TMEM40: variants seen among roughly 807,000 people sequenced by gnomAD.
TMEM40 encodes transmembrane protein 40.
In TMEM40, 34 loss-of-function variants were observed where a neutral mutation model predicts 40.8. The ratio of observed to expected loss-of-function variants is 0.83; its 90% CI spans 0.63 to 1.11. TMEM40 has a LOEUF of 1.11. Ranked by LOEUF, TMEM40 falls within the 50% of genes least tolerant of loss-of-function variation. The probability of loss-of-function intolerance (pLI) is 0.00; values close to 1 mark genes in which losing one functional copy is unlikely to be tolerated. For synonymous variants in TMEM40, 106 were observed against 107.0 expected, an observed-to-expected ratio of 0.99 and a Z score of 0.06; for missense variants, 296 against 280.2, an observed-to-expected ratio of 1.06 and a Z score of -0.40.
At chr3:12,758,069 TAAA>T (rs34019582) in intron 1 of TMEM40, among the ~76,000 whole-genome samples, 2 of 139,262 alleles carry the variant, frequency 1.4e-5, no homozygotes, top group African/African-American at 2.6e-5. Context: ...ATCTGTTATT[TAAA>T]AAAAAAAAAA....
At chr3:12,768,787 G>A (rs1368392907) in intron 1 of TMEM40, among the ~76,000 whole-genome samples, 1 of 152,110 alleles carries the variant, frequency 6.6e-6, no homozygotes, top group Non-Finnish European at 1.5e-5. Context: ...CCCGCGCAGT[G>A]CTCCCACAGT....
At chr3:12,754,504 T>C (rs140321150) in intron 1 of TMEM40, among the ~76,000 whole-genome samples, 2 of 152,348 alleles carry the variant, frequency 1.3e-5, no homozygotes, top group Admixed American at 6.5e-5. Context: ...CAACCAATGT[T>C]TGTTAAAGTG....
intron 1 of TMEM40, among the ~76,000 whole-genome samples, chr3:12,768,924 C>T (rs911872468): frequency 0.62 from 61,213 of 98,176 alleles, 16,279 homozygotes; most frequent in Non-Finnish European, 0.69. Flanking sequence ...GGGCCGGGGC[C>T]GGGGCGGGGC....
chr3:12,745,226 A>ATTTTTTTTTTTTTTT (rs144839288), intron 3 of TMEM40, among the ~76,000 whole-genome samples: 4 of 127,142 alleles, frequency 3.1e-5, no homozygotes, highest in African/African-American at 9.4e-5. Flanking sequence ...CACCTGGCTA[A>ATTTTTTTTTTTTTTT]TTTTTTTTTT....
upstream of TMEM40, among the ~76,000 whole-genome samples, chr3:12,763,725 C>T (rs990724494): frequency 3.3e-5 from 5 of 151,956 alleles, no homozygotes; most frequent in South Asian, 2.1e-4. Flanking sequence ...GTCAAGGCAG[C>T]GCCTGGCACA....
At position 12,753,220 on chromosome 3, in the gene TMEM40, T is replaced by TCTTTCTTTTC. The variant is rs565790121; in HGVS notation, c.-8-3381_-8-3380insGAAAAGAAAG. Among the ~76,000 whole-genome samples, 504 of 134,852 alleles carry TCTTTCTTTTC rather than the reference T, an allele frequency of 3.7e-3. 1 individual carries two copies. Among genetic ancestry groups the TCTTTCTTTTC allele is most frequent in the African/African-American group, 0.013 (483 of 35,810 alleles). The allele number at this position is 134,852 out of a possible 152,430, so 88.5% of individuals were successfully genotyped here. On this transcript the variant is annotated intron_variant, in intron 1 of 11. Transcript: ENST00000314124. Reference sequence around the variant, plus strand: ...CTTTCTTTCTTTCTTTCTTTTTTTTTTTTTTTTTTTTTTTTTGAGACAGGG... The same window carrying TCTTTCTTTTC: ...CTTTCTTTCTTTCTTTCTTTTTTTTTCTTTCTTTTCTTTTTTTTTTTTTTTTGAGACAGGG...
Position 12,734,660 on chromosome 3 carries a change from G to A in TMEM40, c.*114C>T. 1.7e-6 allele frequency: 2 copies of A among 1,192,836 alleles called. No homozygotes were observed. Among genetic ancestry groups the A allele is most frequent in the Non-Finnish European group, 2.4e-6 (2 of 836,580 alleles). 73.9% of individuals were successfully genotyped at this position (1,192,836 alleles called of 1,614,324 possible). On this transcript the variant is annotated 3_prime_UTR_variant, in exon 12 of 12. Transcript: ENST00000314124. Reference sequence around the variant, plus strand: ...TGGAAGGAAAAGTGTTCTGTTTATTGGTCTGGCTTGGTCTCCTGTGCGTCT... The same window carrying A: ...TGGAAGGAAAAGTGTTCTGTTTATTAGTCTGGCTTGGTCTCCTGTGCGTCT...
Position 12,733,929 on chromosome 3 carries a change from C to T in TMEM40, c.*845G>A, listed in dbSNP as rs4684873. 6.7e-6 allele frequency: 1 copy of T among 149,658 alleles called. No homozygotes were observed. Among genetic ancestry groups the T allele is most frequent in the Non-Finnish European group, 1.5e-5 (1 of 67,648 alleles). 9.3% of individuals were successfully genotyped at this position (149,658 alleles called of 1,614,324 possible). The stretch of plus-strand genomic sequence containing the variant: ...TTTTTTTTTTTTAATTTTAGAGAAA[C>T]GATCTTGCTCTGTCGCCCAGGCTGG... On this transcript the variant is annotated 3_prime_UTR_variant, in exon 12 of 12. Coordinates refer to ENST00000314124, the MANE Select transcript of TMEM40 (RefSeq NM_018306.4).
rs543374974 is a variant in TMEM40, at chr3:12,752,250, G to C, written c.-8-2410C>G. On this transcript the variant is annotated intron_variant, in intron 1 of 11. Transcript: ENST00000314124. ...ACTACAAGCATGTACCACCATCCAG[G>C]GTTTGTCTCCTTCACTAGATCACGA... 3.3e-5 allele frequency among the ~76,000 whole-genome samples: 5 copies of C among 152,156 alleles called. No individual in the cohort carries two copies. In the South Asian group the frequency reaches 1.0e-3, roughly 32 times the overall value.
chr3:12,756,829 C>T (rs1399361504), intron 1 of TMEM40, among the ~76,000 whole-genome samples: 1 of 151,946 alleles, frequency 6.6e-6, no homozygotes, highest in Non-Finnish European at 1.5e-5. Flanking sequence ...CACACTCTGT[C>T]TCTCACAACA....
chr3:12,747,000 G>C (rs183213662), intron 3 of TMEM40, among the ~76,000 whole-genome samples: 1 of 152,106 alleles, frequency 6.6e-6, no homozygotes, highest in African/African-American at 2.4e-5. Context: ...TGGTGGGCTT[G>C]TGTGTTTTCT....
intron 1 of TMEM40, among the ~76,000 whole-genome samples, chr3:12,766,619 A>AGCAGATAG (rs2061596006): frequency 2.0e-5 from 3 of 151,652 alleles, no homozygotes; most frequent in Admixed American, 6.6e-5. Context: ...AGGATTATTT[A>AGCAGATAG]TATATAGCAG....
At chr3:12,760,287 G>A (rs2061560218), upstream of TMEM40, among the ~76,000 whole-genome samples, 2 of 151,950 alleles carry the variant, frequency 1.3e-5, no homozygotes, top group Admixed American at 1.3e-4. Flanking sequence ...GTCCCTCCCC[G>A]CTCAGCAGCT....
intron 1 of TMEM40, among the ~76,000 whole-genome samples, chr3:12,751,615 C>A (rs1450649308): frequency 6.6e-6 from 1 of 152,078 alleles, no homozygotes; most frequent in Non-Finnish European, 1.5e-5. Context: ...TTTCTCAGAG[C>A]AGAATTCAGC....
chr3:12,746,048 C>T (rs1240781907), intron 3 of TMEM40, among the ~76,000 whole-genome samples: 1 of 151,948 alleles, frequency 6.6e-6, no homozygotes, highest in African/African-American at 2.4e-5. Context: ...CAGGTGCCCA[C>T]CACCACACCT....
At chr3:12,755,123 ATTCTTTTCTT>A (rs1368923384) in intron 1 of TMEM40, among the ~76,000 whole-genome samples, 1 of 60,928 alleles carries the variant, frequency 1.6e-5, no homozygotes, top group Non-Finnish European at 3.4e-5. Flanking sequence ...TTTCTTTTCT[ATTCTTTTCTT>A]TTCTTTCCTT....
intron 8 of TMEM40, 65 bp from the exon 9 acceptor site, chr3:12,736,900 A>T: frequency 1.2e-6 from 2 of 1,600,306 alleles, no homozygotes; most frequent in Non-Finnish European, 8.6e-7. Context: ...GGCAGAGGAG[A>T]CAAGGTCTTG....
intron 5 of TMEM40, among the ~76,000 whole-genome samples, chr3:12,741,593 T>A (rs2061381975): frequency 6.6e-6 from 1 of 152,200 alleles, no homozygotes; most frequent in African/African-American, 2.4e-5. Context: ...AATTCATGAA[T>A]AAGTGAATGT....
intron 3 of TMEM40, among the ~76,000 whole-genome samples, chr3:12,747,746 C>T (rs2061440258): frequency 6.6e-6 from 1 of 151,724 alleles, no homozygotes; most frequent in Non-Finnish European, 1.5e-5. Context: ...CCTATCTCTA[C>T]TAAAAATACA....
Sources: allele counts gnomAD v4.1 joint callset (sites outside exome capture counted in the v4.1 genomes callset), GRCh38; gene constraint gnomAD v4.1.1; transcripts MANE v1.5; gene names NCBI Gene and HGNC (gene_info 2026-07-23, HGNC 2026-07-21).